The following SLCO3A1 variants were observed in gnomAD, a reference collection of about 807,000 sequenced individuals.
SLCO3A1 encodes solute carrier organic anion transporter family member 3A1.
A neutral mutation model predicts 63.1 loss-of-function variants in SLCO3A1; 27 were observed. The ratio of observed to expected loss-of-function variants is 0.43; its 90% CI spans 0.32 to 0.59. The LOEUF is 0.59. SLCO3A1 is among the 20% of genes least tolerant of loss of function. The pLI, the probability that SLCO3A1 is intolerant of heterozygous loss-of-function variation, is 0.09. For missense variants in SLCO3A1, 773 were observed against 945.8 expected, an observed-to-expected ratio of 0.82 and a Z score of 2.40; for synonymous variants, 473 against 409.9, an observed-to-expected ratio of 1.15 and a Z score of -1.86.
At chr15:92,091,139 C>T (rs1379525493) in intron 2 of SLCO3A1, among the ~76,000 whole-genome samples, 7 of 152,158 alleles carry the variant, frequency 4.6e-5, no homozygotes, top group African/African-American at 1.4e-4. Flanking sequence ...TCTGTTTTTC[C>T]GCTGTGAAAC....
In SLCO3A1 at chr15:92,091,895, A is replaced by G. The variant is rs373672414; in HGVS notation, c.647-2986A>G. 2.8e-4 allele frequency among the ~76,000 whole-genome samples: 42 copies of G among 152,304 alleles called. 1 individual carries two copies. The highest frequency in any genetic ancestry group is 8.4e-4 in the African/African-American group (35 of 41,574). Reference sequence around the variant, plus strand: ...AGAACAGGACCTTGAAAAAGCCACAATCCAAACTCTGGAAACCCACACCTT... The same window carrying G: ...AGAACAGGACCTTGAAAAAGCCACAGTCCAAACTCTGGAAACCCACACCTT... On this transcript the variant is annotated intron_variant, in intron 2 of 9. Transcript: ENST00000318445.
intron 9 of SLCO3A1, among the ~76,000 whole-genome samples, chr15:92,161,336 T>C (rs923202822): frequency 2.6e-5 from 4 of 152,232 alleles, no homozygotes; most frequent in East Asian, 3.9e-4. Context: ...CCAAATGCTC[T>C]GATTTCAGTG....
intron 2 of SLCO3A1, among the ~76,000 whole-genome samples, chr15:91,955,010 G>T (rs945425649): frequency 6.6e-6 from 1 of 152,060 alleles, no homozygotes; most frequent in Admixed American, 6.6e-5. Context: ...TCCCTCACTT[G>T]CCAGGGTCAC....
At chr15:92,004,129 A>G (rs1053813710) in intron 2 of SLCO3A1, among the ~76,000 whole-genome samples, 1 of 152,168 alleles carries the variant, frequency 6.6e-6, no homozygotes, top group African/African-American at 2.4e-5. Context: ...GGGCTTCGTA[A>G]GTATCAGCTT....
chr15:92,010,764 G>C (rs969202913), intron 2 of SLCO3A1, among the ~76,000 whole-genome samples: 1 of 152,146 alleles, frequency 6.6e-6, no homozygotes. Context: ...CCCAAGCCCA[G>C]TAATAAATGA....
intron 2 of SLCO3A1, among the ~76,000 whole-genome samples, chr15:91,932,689 T>C (rs1238933814): frequency 6.6e-6 from 1 of 152,202 alleles, no homozygotes; most frequent in Non-Finnish European, 1.5e-5. Flanking sequence ...GTGATCTGCC[T>C]GCCTCGGCCT....
chr15:91,898,036 AC>A (rs1811027819), intron 1 of SLCO3A1, among the ~76,000 whole-genome samples: 2 of 152,194 alleles, frequency 1.3e-5, no homozygotes, highest in Admixed American at 1.3e-4. Context: ...CTCTCTCGAC[AC>A]GGTTTTCTAA....
intron 1 of SLCO3A1, among the ~76,000 whole-genome samples, chr15:91,884,460 C>T (rs1381885255): frequency 1.4e-5 from 2 of 145,240 alleles, no homozygotes; most frequent in African/African-American, 5.1e-5. Context: ...TGCAGTGAGC[C>T]GAGATCGCGT....
chr15:92,032,156 T>G (rs55649144), intron 2 of SLCO3A1, among the ~76,000 whole-genome samples: 1 of 152,088 alleles, frequency 6.6e-6, no homozygotes, highest in Middle Eastern at 3.2e-3. Flanking sequence ...TGGCCAAGAC[T>G]GGGGGCCAGA....
At position 91,916,564 on chromosome 15, in the gene SLCO3A1, T is replaced by C; in HGVS notation, c.646+106T>C. On this transcript the variant is annotated intron_variant, in intron 2 of 9. Coordinates refer to ENST00000318445, the MANE Select transcript of SLCO3A1 (RefSeq NM_013272.4). The surrounding 1 kb of genome is among the most constrained non-coding windows in gnomAD (Gnocchi z 6.2). ...TTGCCAGAGTACTGGTTCTCAGACT[T>C]GGCTGCACACCTAGTGTTCTTGAAA... is the stretch of plus-strand genomic sequence containing the variant. 2 of 810,814 alleles carry C rather than the reference T, an allele frequency of 2.5e-6. No homozygotes were observed. The highest frequency in any genetic ancestry group is 3.9e-6 in the Non-Finnish European group (2 of 518,914). The allele number at this position is 810,814 out of a possible 1,614,324, so 50.2% of individuals were successfully genotyped here. A position where few individuals can be genotyped will look rare whatever the true frequency, so the allele number is the denominator to read the frequency against.
At chr15:92,011,104 C>T (rs544975843) in intron 2 of SLCO3A1, among the ~76,000 whole-genome samples, 1 of 152,342 alleles carries the variant, frequency 6.6e-6, no homozygotes, top group African/African-American at 2.4e-5. Context: ...CCACACTCCT[C>T]TTCTCTCACT....
intron 2 of SLCO3A1, among the ~76,000 whole-genome samples, chr15:92,076,064 A>G (rs1464450421): frequency 6.6e-6 from 1 of 152,244 alleles, no homozygotes; most frequent in African/African-American, 2.4e-5. Context: ...TCCAGAGTTT[A>G]ATAATCCATC....
At chr15:91,892,982 A>G (rs1401767047) in intron 1 of SLCO3A1, among the ~76,000 whole-genome samples, 8 of 152,226 alleles carry the variant, frequency 5.3e-5, no homozygotes, top group Non-Finnish European at 1.5e-5. Flanking sequence ...ACTTAGTATG[A>G]TACTTGGCTA....
chr15:92,047,562 AT>A (rs869120656), intron 2 of SLCO3A1, among the ~76,000 whole-genome samples: 6,674 of 17,404 alleles, frequency 0.38, 2,369 homozygotes, highest in African/African-American at 0.62. Flanking sequence ...ATATATAAAT[AT>A]ATATATAAAT....
intron 2 of SLCO3A1, among the ~76,000 whole-genome samples, chr15:91,979,193 A>AT (rs200352629): frequency 3.2e-4 from 48 of 149,464 alleles, no homozygotes; most frequent in South Asian, 2.9e-3. Context: ...AGTGTTTCTA[A>AT]TTTTTTTTTT....
intron 7 of SLCO3A1, among the ~76,000 whole-genome samples, chr15:92,130,902 A>C (rs2047986801): frequency 6.6e-6 from 1 of 151,722 alleles, no homozygotes; most frequent in South Asian, 2.1e-4. Context: ...AAAAAAAAAA[A>C]AAAAAAACTC....
At chr15:92,089,189 G>A (rs551386719) in intron 2 of SLCO3A1, among the ~76,000 whole-genome samples, 1 of 152,046 alleles carries the variant, frequency 6.6e-6, no homozygotes, top group East Asian at 1.9e-4. Context: ...ACTACGCCCG[G>A]CTAATTTTTT....
intron 1 of SLCO3A1, among the ~76,000 whole-genome samples, chr15:91,888,188 CAG>C (rs1157914978): frequency 1.3e-5 from 2 of 152,168 alleles, no homozygotes; most frequent in African/African-American, 4.8e-5. Flanking sequence ...GGCTGGGAGT[CAG>C]GAGCTGGAAG....
intron 9 of SLCO3A1, chr15:92,157,143 G>A (rs1442790018): frequency 6.6e-6 from 1 of 152,178 alleles, no homozygotes; most frequent in Non-Finnish European, 1.5e-5. Flanking sequence ...ACAGCATTGA[G>A]CCTGCACATA....
Sources: gnomAD v4.1 joint callset for allele counts (sites outside exome capture counted in the v4.1 genomes callset) on GRCh38, gnomAD v4.1.1 for gene constraint, Gnocchi (gnomAD v3.1) non-coding constraint, MANE v1.5 for transcripts, NCBI Gene and HGNC (gene_info 2026-07-23, HGNC 2026-07-21) for gene names.